The following SPMIP7 variants were observed in gnomAD, a reference collection of about 807,000 sequenced individuals.
SPMIP7 encodes sperm microtubule inner protein 7.
chr7:50,154,081 A>G, the SPMIP7 span, among the ~76,000 whole-genome samples: 1 of 151,986 alleles, frequency 6.6e-6, no homozygotes, highest in African/African-American at 2.4e-5. Context: ...TTTTTTTCCC[A>G]GTCTCAATAT....
chr7:50,104,127 G>A, the SPMIP7 span, among the ~76,000 whole-genome samples: 7,460 of 152,020 alleles, frequency 0.049, 212 homozygotes, highest in African/African-American at 0.073. Context: ...ATTGTAATTC[G>A]GCTCACATAG....
chr7:50,140,357 T>G, the SPMIP7 span, among the ~76,000 whole-genome samples: 4 of 152,148 alleles, frequency 2.6e-5, no homozygotes, highest in East Asian at 7.7e-4. Flanking sequence ...ATCTAAGGTT[T>G]GATTTTGATG....
the SPMIP7 span, among the ~76,000 whole-genome samples, chr7:50,126,181 T>C: frequency 2.6e-5 from 4 of 151,918 alleles, no homozygotes; most frequent in Admixed American, 6.6e-5. Flanking sequence ...ATAGACCTAT[T>C]GTTAGACTGA....
At chr7:50,110,624 A>G in the SPMIP7 span, among the ~76,000 whole-genome samples, 1 of 139,170 alleles carries the variant, frequency 7.2e-6, no homozygotes, top group African/African-American at 2.7e-5. Context: ...TGTATAATAT[A>G]TACTACATAT....
At chr7:50,110,732 ATAT>A in the SPMIP7 span, among the ~76,000 whole-genome samples, 98,039 of 127,954 alleles carry the variant, frequency 0.77, 37,823 homozygotes, top group East Asian at 0.88. Flanking sequence ...ATTATATTAA[ATAT>A]TATATATAAA....
chr7:50,152,977 G>A, the SPMIP7 span, among the ~76,000 whole-genome samples: 262 of 152,168 alleles, frequency 1.7e-3, 3 homozygotes, highest in African/African-American at 6.0e-3. Context: ...ATGAGCCACC[G>A]TGCCTGGCCT....
chr7:50,132,923 T>C, the SPMIP7 span, among the ~76,000 whole-genome samples: 2 of 152,180 alleles, frequency 1.3e-5, no homozygotes, highest in Admixed American at 1.3e-4. Flanking sequence ...TAGTTATCTC[T>C]GAACAAATAT....
At chr7:50,122,439 G>A in the SPMIP7 span, among the ~76,000 whole-genome samples, 44 of 150,338 alleles carry the variant, frequency 2.9e-4, no homozygotes, top group African/African-American at 8.8e-4. Context: ...AGACTTAAAC[G>A]TTAGACCTAA....
chr7:50,138,919 T>A, the SPMIP7 span, among the ~76,000 whole-genome samples: 1 of 152,154 alleles, frequency 6.6e-6, no homozygotes, highest in Non-Finnish European at 1.5e-5. Flanking sequence ...TTGAACCATA[T>A]CTAAAAATGA....
the SPMIP7 span, among the ~76,000 whole-genome samples, chr7:50,124,942 C>T: frequency 0.84 from 126,588 of 151,330 alleles, 52,991 homozygotes; most frequent in East Asian, 0.92. Context: ...CTACTAAAAA[C>T]ACAAAAATTA....
At chr7:50,151,383 C>T in the SPMIP7 span, 2 of 1,249,864 alleles carry the variant, frequency 1.6e-6, no homozygotes, top group Middle Eastern at 1.9e-4. Context: ...GTGCTAGTTA[C>T]CATGACAATT....
At chr7:50,141,479 G>T in the SPMIP7 span, 1 of 810,922 alleles carries the variant, frequency 1.2e-6, no homozygotes. Context: ...ATTTAAACGT[G>T]GCTTTTATTG....
At chr7:50,096,590 T>C in the SPMIP7 span, 9 of 1,551,496 alleles carry the variant, frequency 5.8e-6, no homozygotes, top group Admixed American at 1.2e-4. Context: ...GAACAGGAGA[T>C]GGAATTCCAG....
chr7:50,141,476 C>T, the SPMIP7 span: 2 of 855,614 alleles, frequency 2.3e-6, no homozygotes, highest in Non-Finnish European at 1.9e-6. Flanking sequence ...GGAATTTAAA[C>T]GTGGCTTTTA....
the SPMIP7 span, chr7:50,096,511 TC>T: frequency 6.4e-7 from 1 of 1,551,724 alleles, no homozygotes; most frequent in African/African-American, 1.4e-5. Flanking sequence ...AACATCGAGT[TC>T]CCAGACCAGA....
At chr7:50,126,809 A>T in the SPMIP7 span, among the ~76,000 whole-genome samples, 10 of 152,132 alleles carry the variant, frequency 6.6e-5, no homozygotes, top group South Asian at 1.7e-3. Flanking sequence ...AAGAATTTTT[A>T]AAAATATATA....
chr7:50,159,093 C>T, the SPMIP7 span: 2 of 1,551,952 alleles, frequency 1.3e-6, no homozygotes, highest in East Asian at 2.4e-5. Context: ...CACCAGGCTC[C>T]CCTGTCTCGA....
At chr7:50,104,868 A>C in the SPMIP7 span, among the ~76,000 whole-genome samples, 11 of 152,142 alleles carry the variant, frequency 7.2e-5, no homozygotes, top group Non-Finnish European at 1.3e-4. Flanking sequence ...TCCTTCTCCT[A>C]TTCTTCTGTC....
At chr7:50,135,165 A>G in the SPMIP7 span, among the ~76,000 whole-genome samples, 1 of 152,300 alleles carries the variant, frequency 6.6e-6, no homozygotes, top group African/African-American at 2.4e-5. Context: ...AGAATTCTTC[A>G]GGTCTTATTG....
Sources: gnomAD v4.1 joint callset for allele counts (sites outside exome capture counted in the v4.1 genomes callset) on GRCh38, gnomAD v4.1.1 for gene constraint, MANE v1.5 for transcripts, NCBI Gene and HGNC (gene_info 2026-07-23, HGNC 2026-07-21) for gene names.